The following BPI variants were observed in gnomAD, a reference collection of about 807,000 sequenced individuals.
BPI encodes bactericidal permeability increasing protein.
In BPI, 48 loss-of-function variants were observed where a neutral mutation model predicts 57.6. That is an observed-to-expected ratio of 0.83 (90% CI 0.66 to 1.06). The LOEUF is 1.06. BPI is among the 50% of genes least tolerant of loss of function. The probability of loss-of-function intolerance (pLI) is 0.00; values close to 1 mark genes in which losing one functional copy is unlikely to be tolerated. For synonymous variants in BPI, 237 were observed against 238.2 expected (o/e 0.99, Z 0.05); for missense variants, 651 against 609.7 (o/e 1.07, Z -0.71).
intron 1 of BPI, among the ~76,000 whole-genome samples, chr20:38,306,356 C>A (rs1036871383): frequency 6.6e-6 from 1 of 152,286 alleles, no homozygotes; most frequent in East Asian, 1.9e-4. Context: ...ATCTTAAGTG[C>A]CTTCAAAGTG....
intron 7 of BPI, among the ~76,000 whole-genome samples, chr20:38,323,006 A>G (rs1223307796): frequency 6.6e-6 from 1 of 152,200 alleles, no homozygotes; most frequent in Non-Finnish European, 1.5e-5. Context: ...AGAGAATGCT[A>G]TACACTTCCA....
chr20:38,325,115 G>A (rs2076706084), intron 9 of BPI, among the ~76,000 whole-genome samples: 2 of 152,134 alleles, frequency 1.3e-5, no homozygotes, highest in South Asian at 4.2e-4. Context: ...CCCTGTGCTG[G>A]GAACCCAGCA....
At chr20:38,308,639 C>T (rs73621936) in intron 2 of BPI, among the ~76,000 whole-genome samples, 4 of 152,176 alleles carry the variant, frequency 2.6e-5, no homozygotes, top group East Asian at 1.9e-4. Flanking sequence ...AATCACTGTG[C>T]CCATTTTACA....
chr20:38,308,834 G>T, intron 2 of BPI, 96 bp from the exon 3 acceptor site: 1 of 1,485,510 alleles, frequency 6.7e-7, no homozygotes, highest in East Asian at 2.3e-5. Flanking sequence ...AGGACCAGGT[G>T]GTGGGGGACG....
intron 1 of BPI, among the ~76,000 whole-genome samples, chr20:38,304,850 C>T (rs1484158614): frequency 6.6e-6 from 1 of 152,228 alleles, no homozygotes; most frequent in Admixed American, 6.5e-5. Flanking sequence ...ACCACTCACC[C>T]CAGCCCAGGC....
At chr20:38,311,243 G>T (rs6099074) in intron 4 of BPI, among the ~76,000 whole-genome samples, 72,042 of 152,052 alleles carry the variant, frequency 0.47, 17,493 homozygotes, top group African/African-American at 0.53. Flanking sequence ...TCAAGTCCAG[G>T]TCTATTTCAC....
At chr20:38,311,844 T>C in intron 4 of BPI, 30 bp from the exon 5 acceptor site, 2 of 1,608,870 alleles carry the variant, frequency 1.2e-6, no homozygotes, top group Non-Finnish European at 1.7e-6. Flanking sequence ...TCAAAAAGCC[T>C]CATCTATGTC....
At chr20:38,312,030 C>G in intron 5 of BPI, 93 bp downstream of exon 5, 1 of 1,305,430 alleles carries the variant, frequency 7.7e-7, no homozygotes. Flanking sequence ...TGCTGTCACT[C>G]CAGACCCCTT....
chr20:38,328,834 CA>C (rs11302517), intron 11 of BPI, among the ~76,000 whole-genome samples: 33,658 of 141,124 alleles, frequency 0.24, 5,505 homozygotes, highest in East Asian at 0.58. Context: ...TCGTCTCTAC[CA>C]AAAAAAAAAA....
rs528824628 is a variant in BPI at position 38,318,267 on chromosome 20, T to C, written c.601-146T>C. On this transcript the variant is annotated intron_variant, in intron 5 of 14. Transcript: ENST00000642449. ...ACATGTTCAACTCTGAGCTTCCTGG[T>C]GGCCAAAAAGAAAAGGGAAACTTGA... The C allele has an allele frequency of 3.6e-5, 40 of 1,096,454 alleles. No homozygotes were observed. The Admixed American group carries it at 7.3e-4, about 20-fold the overall frequency. 67.9% of individuals were successfully genotyped at this position (1,096,454 alleles called of 1,614,324 possible).
intron 5 of BPI, among the ~76,000 whole-genome samples, chr20:38,317,420 A>G (rs1600703739): frequency 6.6e-6 from 1 of 152,150 alleles, no homozygotes. Flanking sequence ...CCATGTTAGA[A>G]TTACCTGGAG....
chr20:38,314,936 A>G (rs1428067392), intron 5 of BPI, among the ~76,000 whole-genome samples: 10 of 150,240 alleles, frequency 6.7e-5, no homozygotes, highest in African/African-American at 2.5e-4. Flanking sequence ...ACACCGATTT[A>G]ATAGGCATTT....
At chr20:38,335,568 C>T (rs762396995) in intron 13 of BPI, 30 bp from the exon 14 acceptor site, 1 of 1,600,540 alleles carries the variant, frequency 6.2e-7, no homozygotes, top group Non-Finnish European at 8.6e-7. Flanking sequence ...TTTCTTTTCT[C>T]CTGGTCCTCA....
chr20:38,331,839 G>T (rs1221566822), intron 12 of BPI, among the ~76,000 whole-genome samples: 2 of 137,766 alleles, frequency 1.5e-5, no homozygotes, highest in Admixed American at 1.5e-4. Context: ...GTGAAATCTT[G>T]TCTCAAAAAA....
intron 5 of BPI, among the ~76,000 whole-genome samples, chr20:38,315,382 A>G (rs1436823747): frequency 1.3e-5 from 2 of 152,202 alleles, no homozygotes; most frequent in African/African-American, 4.8e-5. Flanking sequence ...GTCTGCCCCC[A>G]GGGAATACAG....
chr20:38,335,508 G>A (rs2076762932), intron 13 of BPI, 90 bp from the exon 14 acceptor site: 2 of 1,192,190 alleles, frequency 1.7e-6, no homozygotes, highest in South Asian at 2.5e-5. Flanking sequence ...CTGGTTCAGG[G>A]AGGCTGTCTA....
chr20:38,337,261 G>A lies in BPI; in HGVS notation c.*77G>A. The A allele has an allele frequency of 3.8e-6, 5 of 1,304,738 alleles. No homozygotes were observed. The highest frequency in any genetic ancestry group is 5.3e-6 in the Non-Finnish European group (5 of 940,642). The allele number at this position is 1,304,738 out of a possible 1,614,324, so 80.8% of individuals were successfully genotyped here. On this transcript the variant is annotated 3_prime_UTR_variant, in exon 15 of 15. Coordinates refer to ENST00000642449, the MANE Select transcript of BPI (RefSeq NM_001725.3). ...TGGGGCACCGGCTGCCTTTCCCCAG[G>A]GAATCCTCTCCAGATCTTAACCAAG...
chr20:38,306,241 C>T (rs1027126810), intron 1 of BPI, among the ~76,000 whole-genome samples: 3 of 152,160 alleles, frequency 2.0e-5, no homozygotes, highest in East Asian at 1.9e-4. Context: ...CCATGTTGGC[C>T]AGGCTGAACT....
At chr20:38,329,102 A>G (rs960364609) in intron 11 of BPI, among the ~76,000 whole-genome samples, 5 of 152,208 alleles carry the variant, frequency 3.3e-5, no homozygotes, top group Admixed American at 6.5e-5. Flanking sequence ...AGACAGAGAC[A>G]CAGAGAGTGA....
Sources: gnomAD v4.1 joint callset for allele counts (sites outside exome capture counted in the v4.1 genomes callset) on GRCh38, gnomAD v4.1.1 for gene constraint, MANE v1.5 for transcripts, NCBI Gene and HGNC (gene_info 2026-07-23, HGNC 2026-07-21) for gene names.